The following NR1I2 variants were observed in gnomAD, a reference collection of about 807,000 sequenced individuals.
The protein encoded by NR1I2 is nuclear receptor subfamily 1 group I member 2.
A neutral mutation model predicts 43.3 loss-of-function variants in NR1I2; 42 were observed. The observed-to-expected ratio is 0.97, with a 90% CI of 0.76 to 1.26. NR1I2 has a LOEUF of 1.26. Ranked by LOEUF, NR1I2 falls within the 50% of genes most tolerant of loss-of-function variation. The pLI, the probability that NR1I2 is intolerant of heterozygous loss-of-function variation, is 0.00. For synonymous variants in NR1I2, 229 were observed against 215.0 expected, an observed-to-expected ratio of 1.06 and a Z score of -0.57; for missense variants, 559 against 566.7, an observed-to-expected ratio of 0.99 and a Z score of 0.14.
chr3:119,815,024 T>A lies in NR1I2; in HGVS notation c.840T>A (p.Ala280=), dbSNP rs1577286895. Residue 280 remains alanine (A), a synonymous_variant, in exon 6 of 9, where the codon GCT becomes GCA. Transcript: ENST00000393716. ...AGATCTCCCTGCTGAAGGGGGCCGC[T>A]TTCGAGCTGTGTCAACTGAGATTCA... 2 of 1,614,148 alleles carry A rather than the reference T, an allele frequency of 1.2e-6. No individual in the cohort carries two copies. The highest frequency in any genetic ancestry group is 4.5e-5 in the East Asian group (2 of 44,876).
chr3:119,801,665 G>T (rs966687540), intron 1 of NR1I2, among the ~76,000 whole-genome samples: 2 of 152,184 alleles, frequency 1.3e-5, no homozygotes, highest in Non-Finnish European at 2.9e-5. Context: ...TAAACTCACT[G>T]GATTAAACCC....
chr3:119,797,271 A>G (rs1559785300), intron 1 of NR1I2, among the ~76,000 whole-genome samples: 1 of 151,634 alleles, frequency 6.6e-6, no homozygotes, highest in East Asian at 1.9e-4. Context: ...CCAAACAAAC[A>G]CAGGGGATCT....
At chr3:119,784,051 T>A (rs566544451) in intron 1 of NR1I2, among the ~76,000 whole-genome samples, 1 of 152,364 alleles carries the variant, frequency 6.6e-6, no homozygotes, top group East Asian at 1.9e-4. Flanking sequence ...CTTCTAGACA[T>A]GTGCACGTAT....
chr3:119,802,603 T>C (rs528423832), intron 1 of NR1I2, among the ~76,000 whole-genome samples: 2 of 152,330 alleles, frequency 1.3e-5, no homozygotes, highest in East Asian at 3.9e-4. Flanking sequence ...GGCTCCTGAA[T>C]GATGCTGAAA....
In NR1I2 at chr3:119,792,035, A is replaced by G. The variant is rs1171097459; in HGVS notation, c.-23+9735A>G. ...CAATTATCTTTGACCACCGTTCTCAACCACATAATGTGCCAGTCATCACTG... is the reference window on the plus strand; with the variant it reads ...CAATTATCTTTGACCACCGTTCTCAGCCACATAATGTGCCAGTCATCACTG... On this transcript the variant is annotated intron_variant, in intron 1 of 8. Coordinates refer to ENST00000393716, the MANE Select transcript of NR1I2 (RefSeq NM_003889.4). 6.9e-6 allele frequency: 5 copies of G among 724,460 alleles called. No individual in the cohort carries two copies. The Admixed American group carries it at 9.3e-5, about 13-fold the overall frequency. 44.9% of individuals were successfully genotyped at this position (724,460 alleles called of 1,614,324 possible).
rs928212283 is a variant in NR1I2, at chr3:119,795,540, G to A, written c.-22-11689G>A. 4.2e-4 allele frequency among the ~76,000 whole-genome samples: 64 copies of A among 152,094 alleles called. 1 individual carries two copies. The highest frequency in any genetic ancestry group is 3.5e-3 in the Admixed American group (54 of 15,286). On this transcript the variant is annotated intron_variant, in intron 1 of 8. Coordinates refer to ENST00000393716, the MANE Select transcript of NR1I2 (RefSeq NM_003889.4). ...CATGCCCATCACCTGCAGTTTCTCT[G>A]GGCTCCCCGTTAATCTGCCTTCCTC...
chr3:119,815,469 CCCCCCCAG>C (rs1042677742), intron 7 of NR1I2, 30 bp downstream of exon 7: 10 of 1,511,670 alleles, frequency 6.6e-6, no homozygotes, highest in Non-Finnish European at 4.6e-6. Context: ...TGCCTGACAT[CCCCCCCAG>C]CCTTATCTGC....
chr3:119,799,616 A>G (rs1176377355), intron 1 of NR1I2, among the ~76,000 whole-genome samples: 2 of 152,206 alleles, frequency 1.3e-5, no homozygotes, highest in Non-Finnish European at 2.9e-5. Flanking sequence ...CTTTTAAAAG[A>G]CAGGAATAGA....
At chr3:119,785,322 G>A (rs1045800837) in intron 1 of NR1I2, among the ~76,000 whole-genome samples, 21 of 152,152 alleles carry the variant, frequency 1.4e-4, no homozygotes, top group African/African-American at 5.1e-4. Flanking sequence ...TTCCTCTAGA[G>A]GATTTATTTT....
At position 119,811,647 on chromosome 3, in the gene NR1I2, AG is replaced by A. The variant is rs1269602597; in HGVS notation, c.441del (p.Gln147HisfsTer3). On this transcript the variant is annotated frameshift_variant, in exon 4 of 9. Transcript: ENST00000393716. LOFTEE classifies it high-confidence loss of function. Reference sequence around the variant, plus strand: ...GGAGTGCAGGGGCTGACAGAGGAGCAGCGGATGATGATCAGGGAGCTGATGG... The same window carrying A: ...GGAGTGCAGGGGCTGACAGAGGAGCACGGATGATGATCAGGGAGCTGATGG... 6.2e-7 allele frequency: 1 copy of A among 1,614,096 alleles called. No individual in the cohort carries two copies. The highest frequency in any genetic ancestry group is 1.1e-5 in the South Asian group (1 of 91,036).
chr3:119,805,097 T>C (rs1338032135), intron 1 of NR1I2, among the ~76,000 whole-genome samples: 2 of 152,198 alleles, frequency 1.3e-5, no homozygotes, highest in African/African-American at 2.4e-5. Context: ...TTACAGTAAA[T>C]TTTTATTCAT....
chr3:119,792,463 T>C, intron 1 of NR1I2: 1 of 1,136,422 alleles, frequency 8.8e-7, no homozygotes. Context: ...AGCTGGAAGC[T>C]GCAGAGGACA....
intron 1 of NR1I2, among the ~76,000 whole-genome samples, chr3:119,806,860 C>G (rs1256648301): frequency 1.3e-5 from 2 of 152,176 alleles, no homozygotes; most frequent in African/African-American, 2.4e-5. Flanking sequence ...GAGCTGCTCC[C>G]CATTCAGACC....
At chr3:119,792,053 C>T (rs909069852) in intron 1 of NR1I2, 2 of 732,512 alleles carry the variant, frequency 2.7e-6, no homozygotes, top group African/African-American at 3.4e-5. Flanking sequence ...ATGTGCCAGT[C>T]ATCACTGGTA....
chr3:119,811,492 G>A lies in NR1I2; in HGVS notation c.332-47G>A, dbSNP rs1383129993. The A allele has an allele frequency of 3.2e-6, 5 of 1,560,322 alleles. No homozygotes were observed. In the Admixed American group the frequency reaches 7.3e-5, roughly 23 times the overall value. On this transcript the variant is annotated intron_variant, in intron 3 of 8. Coordinates refer to ENST00000393716, the MANE Select transcript of NR1I2 (RefSeq NM_003889.4). The stretch of plus-strand genomic sequence containing the variant: ...ACAGTGGCTCTCCAGGGGGCTGGAG[G>A]CTCACCAGGGGCACGTGTGCCTGAG...
At chr3:119,792,507 C>T in intron 1 of NR1I2, 1 of 1,085,052 alleles carries the variant, frequency 9.2e-7, no homozygotes, top group South Asian at 1.3e-5. Context: ...TGGAACATCA[C>T]CAATCTGCCG....
At chr3:119,792,784 A>T (rs2054939472) in intron 1 of NR1I2, among the ~76,000 whole-genome samples, 1 of 152,158 alleles carries the variant, frequency 6.6e-6, no homozygotes, top group African/African-American at 2.4e-5. Context: ...CTGAGGTAGG[A>T]GAATCACTTG....
intron 1 of NR1I2, chr3:119,792,432 A>T: frequency 8.4e-7 from 1 of 1,184,530 alleles, no homozygotes; most frequent in South Asian, 1.3e-5. Context: ...ACTGCAGGGG[A>T]CGGCCTGATG....
At chr3:119,798,773 A>G (rs2055036141) in intron 1 of NR1I2, among the ~76,000 whole-genome samples, 1 of 152,200 alleles carries the variant, frequency 6.6e-6, no homozygotes, top group Non-Finnish European at 1.5e-5. Flanking sequence ...CTGGACATTT[A>G]ATATAAGCGG....
Sources: allele counts gnomAD v4.1 joint callset (sites outside exome capture counted in the v4.1 genomes callset), GRCh38; gene constraint gnomAD v4.1.1; transcripts MANE v1.5; gene names NCBI Gene and HGNC (gene_info 2026-07-23, HGNC 2026-07-21).